Variants in UROS observed in about 807,000 individuals in gnomAD.
UROS encodes the protein uroporphyrinogen III synthase, also known as uroporphyrinogen-III synthase.
UROS carries 18 observed loss-of-function variants against 33.0 expected under a neutral mutation model. The ratio of observed to expected loss-of-function variants is 0.55; its 90% CI spans 0.38 to 0.81. The LOEUF is 0.81. Among genes scored for constraint, UROS ranks in the 30% least tolerant of loss-of-function variants. The pLI is 0.00. For missense variants in UROS, 293 were observed against 314.9 expected (o/e 0.93, Z 0.53); for synonymous variants, 114 against 121.1 (o/e 0.94, Z 0.38).
intron 6 of UROS, among the ~76,000 whole-genome samples, chr10:125,800,458 G>A (rs567756222): frequency 3.9e-5 from 6 of 152,322 alleles, no homozygotes; most frequent in South Asian, 4.1e-4. Context: ...CGCAGGGGAG[G>A]AGCCTGGCCT....
intron 6 of UROS, chr10:125,802,663 GT>G: frequency 8.2e-7 from 1 of 1,225,158 alleles, no homozygotes; most frequent in Non-Finnish European, 1.0e-6. Context: ...TGAACTGTAT[GT>G]TTTTAGCTTG....
At chr10:125,812,420 A>T in intron 4 of UROS, 132 bp from the exon 5 acceptor site, 1 of 765,208 alleles carries the variant, frequency 1.3e-6, no homozygotes, top group Non-Finnish European at 2.2e-6. Context: ...AAAAAACAGC[A>T]TCTCAAACTA....
intron 5 of UROS, among the ~76,000 whole-genome samples, chr10:125,808,596 T>A (rs1852537312): frequency 6.6e-6 from 1 of 152,226 alleles, no homozygotes; most frequent in African/African-American, 2.4e-5. Flanking sequence ...TAAATATGCA[T>A]TTTTCCCAAG....
At chr10:125,795,498 A>G (rs1027773228) in intron 8 of UROS, among the ~76,000 whole-genome samples, 1 of 152,174 alleles carries the variant, frequency 6.6e-6, no homozygotes, top group South Asian at 2.1e-4. Flanking sequence ...ATAAATGCTG[A>G]AGACATCAAG....
In UROS at chr10:125,816,151, T is replaced by G; in HGVS notation, c.147+26A>C. The G allele has an allele frequency of 1.9e-6, 3 of 1,600,706 alleles. No individual in the cohort carries two copies. The African/African-American group carries it at 4.0e-5, about 21-fold the overall frequency. On this transcript the variant is annotated intron_variant, in intron 3 of 9. Coordinates refer to ENST00000368797, the MANE Select transcript of UROS (RefSeq NM_000375.3). ...GCAAGGGAGAAATCAAACACTAACATGGTGCTCAGTCACAACAGGCCTTAC... is the reference window on the plus strand; with the variant it reads ...GCAAGGGAGAAATCAAACACTAACAGGGTGCTCAGTCACAACAGGCCTTAC...
At chr10:125,801,355 T>C (rs577269041) in intron 6 of UROS, among the ~76,000 whole-genome samples, 3 of 152,346 alleles carry the variant, frequency 2.0e-5, no homozygotes, top group South Asian at 2.1e-4. Flanking sequence ...AGAGGAGATA[T>C]CTGGGAAAGA....
intron 1 of UROS, 101 bp downstream of exon 1, chr10:125,822,928 C>G (rs1177062698): frequency 6.6e-6 from 1 of 152,218 alleles, no homozygotes; most frequent in Non-Finnish European, 1.5e-5. Flanking sequence ...GCGGAAGCCT[C>G]GGGGCCCTGG....
At chr10:125,797,672 G>A (rs1355886292) in intron 7 of UROS, among the ~76,000 whole-genome samples, 1 of 152,172 alleles carries the variant, frequency 6.6e-6, no homozygotes, top group African/African-American at 2.4e-5. Context: ...TGTGTGGCTC[G>A]GCTGGAGGGT....
At chr10:125,799,393 G>C (rs1310531160) in intron 6 of UROS, among the ~76,000 whole-genome samples, 1 of 152,204 alleles carries the variant, frequency 6.6e-6, no homozygotes, top group Non-Finnish European at 1.5e-5. Context: ...CCCCGTTTCT[G>C]TGTGTCTATG....
At chr10:125,801,921 TACAA>T (rs2133866328) in intron 6 of UROS, 1 of 801,058 alleles carries the variant, frequency 1.2e-6, no homozygotes, top group Non-Finnish European at 1.5e-6. Context: ...TCTGTCTCCT[TACAA>T]ACAAACTGTG....
chr10:125,788,964 G>C lies in UROS; in HGVS notation c.702C>G (p.Ala234=). ...CAGTGCAGCTTACAGGAAGGCCCTG[G>C]GCGGCCAGCGCGCGAGCCGTAGTGG... The part of the protein sequence containing the change: ...IGPTTARALA[A]QGLPVSCTAE... Residue 234 remains alanine, a synonymous_variant, in exon 10 of 10, where the codon GCC becomes GCG. Transcript: ENST00000368797. 6.2e-7 allele frequency: 1 copy of C among 1,612,068 alleles called. No individual in the cohort carries two copies. The highest frequency in any genetic ancestry group is 8.5e-7 in the Non-Finnish European group (1 of 1,179,854).
At chr10:125,788,519 T>C (rs1218877648), downstream of UROS, 17 of 1,178,140 alleles carry the variant, frequency 1.4e-5, no homozygotes, top group Non-Finnish European at 1.7e-5. Flanking sequence ...GAGGTGGGCA[T>C]ACCTGTCTCC....
intron 7 of UROS, 69 bp from the exon 8 acceptor site, chr10:125,796,257 A>C: frequency 1.3e-6 from 2 of 1,492,118 alleles, no homozygotes; most frequent in Non-Finnish European, 1.9e-6. Context: ...ACCACTTCAC[A>C]GCACAGTTGG....
intron 1 of UROS, among the ~76,000 whole-genome samples, chr10:125,821,531 A>G (rs779364551): frequency 1.2e-4 from 19 of 152,238 alleles, no homozygotes; most frequent in African/African-American, 3.9e-4. Flanking sequence ...AGTTCTGCCA[A>G]TGGATAGTGG....
intron 6 of UROS, among the ~76,000 whole-genome samples, chr10:125,799,506 C>T (rs1438248965): frequency 6.6e-6 from 1 of 152,228 alleles, no homozygotes; most frequent in Non-Finnish European, 1.5e-5. Flanking sequence ...CCCAGCCCCA[C>T]AGGTGTGCGA....
chr10:125,821,100 T>C (rs944851465), intron 1 of UROS, among the ~76,000 whole-genome samples: 2 of 152,166 alleles, frequency 1.3e-5, no homozygotes, highest in African/African-American at 4.8e-5. Context: ...AAAATAAACA[T>C]AGAATTACCA....
At chr10:125,820,062 T>C (rs983522967) in intron 1 of UROS, among the ~76,000 whole-genome samples, 1 of 152,228 alleles carries the variant, frequency 6.6e-6, no homozygotes. Flanking sequence ...CATGGTGTTC[T>C]GGGTATCAGC....
At chr10:125,799,779 A>AGAAAATT (rs1338210200) in intron 6 of UROS, among the ~76,000 whole-genome samples, 1 of 152,176 alleles carries the variant, frequency 6.6e-6, no homozygotes, top group African/African-American at 2.4e-5. Context: ...AGCAGAAAGG[A>AGAAAATT]GAAAATTGAA....
chr10:125,791,319 A>G (rs769107829), intron 9 of UROS, among the ~76,000 whole-genome samples: 1 of 152,242 alleles, frequency 6.6e-6, no homozygotes, highest in Non-Finnish European at 1.5e-5. Context: ...AAGGATGGCC[A>G]TAATCAGAGA....
Sources: allele counts gnomAD v4.1 joint callset (sites outside exome capture counted in the v4.1 genomes callset), GRCh38; gene constraint gnomAD v4.1.1; transcripts MANE v1.5; gene names NCBI Gene and HGNC (gene_info 2026-07-23, HGNC 2026-07-21).